Variants in MAP4K3 observed in about 807,000 individuals in gnomAD.
MAP4K3 encodes the protein MAPK/ERK kinase kinase kinase 3.
A neutral mutation model predicts 143.5 loss-of-function variants in MAP4K3; 94 were observed. That is an observed-to-expected ratio of 0.65 (90% confidence interval 0.55 to 0.78). The LOEUF (loss-of-function observed/expected upper bound fraction) is 0.78. Among genes scored for constraint, MAP4K3 ranks in the 30% least tolerant of loss-of-function variants. MAP4K3 has a pLI of 0.00. For missense variants in MAP4K3, 1,077 were observed against 1,068.1 expected, an observed-to-expected ratio of 1.01 and a Z score of -0.12; for synonymous variants, 416 against 347.2, an observed-to-expected ratio of 1.20 and a Z score of -2.20.
At chr2:39,372,879 G>C (rs1217569298) in intron 2 of MAP4K3, among the ~76,000 whole-genome samples, 1 of 152,160 alleles carries the variant, frequency 6.6e-6, no homozygotes, top group South Asian at 2.1e-4. Flanking sequence ...ACTGGTGTGG[G>C]CAAAGATTTC....
intron 26 of MAP4K3, 48 bp from the exon 27 acceptor site, chr2:39,267,295 T>A (rs1315028418): frequency 2.1e-6 from 3 of 1,431,700 alleles, no homozygotes; most frequent in Non-Finnish European, 3.0e-6. Context: ...GCAAACTTAG[T>A]ATATGAAAAA....
chr2:39,431,850 G>C (rs939329748), intron 1 of MAP4K3, among the ~76,000 whole-genome samples: 2 of 152,184 alleles, frequency 1.3e-5, no homozygotes, highest in Non-Finnish European at 2.9e-5. Flanking sequence ...CACACAGAGA[G>C]GGATTAAGTA....
intron 22 of MAP4K3, among the ~76,000 whole-genome samples, chr2:39,282,191 T>C (rs1228776185): frequency 7.2e-6 from 1 of 139,184 alleles, no homozygotes; most frequent in Non-Finnish European, 1.5e-5. Flanking sequence ...TGAGACTCCG[T>C]CTCAAAAAAA....
intron 8 of MAP4K3, among the ~76,000 whole-genome samples, chr2:39,331,602 T>G (rs1307267857): frequency 6.6e-6 from 1 of 152,058 alleles, no homozygotes; most frequent in South Asian, 2.1e-4. Flanking sequence ...AAGAAAGATA[T>G]AAAAACACCT....
At chr2:39,393,716 G>C (rs1666730529) in intron 1 of MAP4K3, among the ~76,000 whole-genome samples, 1 of 152,090 alleles carries the variant, frequency 6.6e-6, no homozygotes, top group Admixed American at 6.5e-5. Flanking sequence ...ATCTGCACTT[G>C]ACCTTTGGTA....
intron 13 of MAP4K3, among the ~76,000 whole-genome samples, chr2:39,313,491 T>C (rs1683010097): frequency 6.6e-6 from 1 of 152,046 alleles, no homozygotes; most frequent in South Asian, 2.1e-4. Flanking sequence ...TTTTCTTTTC[T>C]TTTCTTTCTT....
chr2:39,426,694 T>A (rs966268564), intron 1 of MAP4K3, among the ~76,000 whole-genome samples: 2 of 152,116 alleles, frequency 1.3e-5, no homozygotes, highest in Non-Finnish European at 2.9e-5. Context: ...GCAATTATCC[T>A]GTGAATTGAA....
intron 8 of MAP4K3, among the ~76,000 whole-genome samples, chr2:39,326,489 A>G (rs1240706087): frequency 6.6e-6 from 1 of 152,160 alleles, no homozygotes; most frequent in Non-Finnish European, 1.5e-5. Context: ...TTGATTATAC[A>G]GGCTTATAGG....
intron 1 of MAP4K3, among the ~76,000 whole-genome samples, chr2:39,415,895 G>C (rs1026762958): frequency 4.5e-5 from 6 of 133,606 alleles, no homozygotes; most frequent in Admixed American, 8.1e-5. Context: ...GGAGGTTGCA[G>C]TGAGTCGAGA....
intron 1 of MAP4K3, among the ~76,000 whole-genome samples, chr2:39,401,870 G>C (rs1666963250): frequency 6.6e-6 from 1 of 151,958 alleles, no homozygotes; most frequent in Non-Finnish European, 1.5e-5. Flanking sequence ...AAAAGCCCTA[G>C]AATACTAACA....
intron 2 of MAP4K3, among the ~76,000 whole-genome samples, chr2:39,361,496 T>C (rs1665769557): frequency 6.6e-6 from 1 of 151,762 alleles, no homozygotes; most frequent in South Asian, 2.1e-4. Context: ...TTTTCATTAT[T>C]TACTATATAT....
At chr2:39,250,747 T>C in intron 33 of MAP4K3, 42 bp from the exon 34 acceptor site, 1 of 1,531,560 alleles carries the variant, frequency 6.5e-7, no homozygotes, top group Non-Finnish European at 9.0e-7. Context: ...AAGTTATTCC[T>C]GAAAATTAAT....
At chr2:39,354,209 T>C (rs1451154274) in intron 3 of MAP4K3, among the ~76,000 whole-genome samples, 4 of 151,982 alleles carry the variant, frequency 2.6e-5, no homozygotes, top group Admixed American at 2.6e-4. Context: ...TTTGGGAGGC[T>C]GAGGTGGGTG....
chr2:39,326,166 C>T lies in MAP4K3; in HGVS notation c.642G>A (p.Met214Ile), dbSNP rs778862893. 6.2e-7 allele frequency: 1 copy of T among 1,613,608 alleles called. No individual in the cohort carries two copies. Among genetic ancestry groups the T allele is most frequent in the Non-Finnish European group, 8.5e-7 (1 of 1,179,824 alleles). Residue 214 changes from methionine (M) to isoleucine (I), a missense_variant, in exon 9 of 34, where the codon ATG becomes ATA. Around this residue, in one of 2 missense-constraint regions of MAP4K3, gnomAD observed 213 missense variants for 266.8 expected, o/e 0.80. Transcript: ENST00000263881. ...CTGACCTCATTGGGTGTAAGTCAAA[C>T]ATAGGAGGCTGAAGCTCTGCAAGTT... Reference protein sequence around the residue: ...AIELAELQPPMFDLHPMRALF... With the variant: ...AIELAELQPPIFDLHPMRALF...
intron 1 of MAP4K3, among the ~76,000 whole-genome samples, chr2:39,378,391 T>C (rs1666276413): frequency 6.6e-6 from 1 of 152,210 alleles, no homozygotes; most frequent in African/African-American, 2.4e-5. Flanking sequence ...TTAATATTAA[T>C]TCATTTAATC....
intron 21 of MAP4K3, among the ~76,000 whole-genome samples, chr2:39,285,082 G>C (rs1024671920): frequency 3.9e-5 from 6 of 151,900 alleles, no homozygotes; most frequent in Non-Finnish European, 8.8e-5. Flanking sequence ...TGTAGAGACA[G>C]GGTTTTGCTA....
At chr2:39,307,669 A>T (rs918412398) in intron 15 of MAP4K3, among the ~76,000 whole-genome samples, 7 of 147,674 alleles carry the variant, frequency 4.7e-5, no homozygotes, top group Non-Finnish European at 1.1e-4. Context: ...GCCATTTCTT[A>T]AAAAAAAAAC....
At chr2:39,324,922 C>T (rs1405573475) in intron 12 of MAP4K3, among the ~76,000 whole-genome samples, 1 of 152,204 alleles carries the variant, frequency 6.6e-6, no homozygotes, top group Non-Finnish European at 1.5e-5. Flanking sequence ...GTTTTAGTCA[C>T]TGGCAAAGTC....
At chr2:39,413,909 A>G (rs936408289) in intron 1 of MAP4K3, among the ~76,000 whole-genome samples, 11 of 152,182 alleles carry the variant, frequency 7.2e-5, no homozygotes, top group Non-Finnish European at 4.4e-5. Context: ...CCGAAAGTAC[A>G]TTATTCCTTT....
Sources: allele counts gnomAD v4.1 joint callset (sites outside exome capture counted in the v4.1 genomes callset), GRCh38; gene constraint gnomAD v4.1.1; regional missense constraint gnomAD v4.1.1; transcripts MANE v1.5; gene names NCBI Gene and HGNC (gene_info 2026-07-23, HGNC 2026-07-21).